Variants in WASHC5 observed in about 807,000 individuals in gnomAD.
WASHC5 encodes WASH complex subunit 5, also known as WASH complex subunit strumpellin.
WASHC5 carries 101 observed loss-of-function variants against 150.4 expected under a neutral mutation model. That is an observed-to-expected ratio of 0.67 (90% CI 0.57 to 0.79). WASHC5 has a LOEUF of 0.79. Ranked by LOEUF, WASHC5 falls within the 30% of genes least tolerant of loss-of-function variation. WASHC5 has a pLI of 0.00. For missense variants in WASHC5, 1,195 were observed against 1,396.3 expected, an observed-to-expected ratio of 0.86 and a Z score of 2.30; for synonymous variants, 467 against 491.2, an observed-to-expected ratio of 0.95 and a Z score of 0.65.
Position 125,056,853 on chromosome 8 carries a change from ATC to A in WASHC5, c.1876-38_1876-37del, listed in dbSNP as rs758232098. 1.7e-5 allele frequency: 27 copies of A among 1,613,674 alleles called. No individual in the cohort carries two copies. The South Asian group carries it at 2.6e-4, about 16-fold the overall frequency. ...AAGGAAAGCAGGAAACGCAATGAAC[ATC>A]TGTTTTACTTTTCTTGGCTGACAAA... On this transcript the variant is annotated intron_variant, in intron 15 of 28. Coordinates refer to ENST00000318410, the MANE Select transcript of WASHC5 (RefSeq NM_014846.4).
intron 3 of WASHC5, 200 bp downstream of exon 3, chr8:125,082,913 C>A: frequency 2.1e-6 from 1 of 485,096 alleles, no homozygotes; most frequent in African/African-American, 2.0e-5. Flanking sequence ...ATTACAACAC[C>A]TCATAAGAGC....
At chr8:125,048,001 G>A (rs1470686327) in intron 19 of WASHC5, among the ~76,000 whole-genome samples, 1 of 152,144 alleles carries the variant, frequency 6.6e-6, no homozygotes, top group Non-Finnish European at 1.5e-5. Flanking sequence ...ATGAGCTACT[G>A]TACCTGGCCT....
At chr8:125,048,147 T>C (rs1429906018) in intron 19 of WASHC5, among the ~76,000 whole-genome samples, 1 of 152,196 alleles carries the variant, frequency 6.6e-6, no homozygotes, top group Non-Finnish European at 1.5e-5. Context: ...AGAACTAAGA[T>C]GAGACATGGG....
intron 28 of WASHC5, among the ~76,000 whole-genome samples, chr8:125,028,296 A>G (rs1355987738): frequency 6.6e-6 from 1 of 152,204 alleles, no homozygotes; most frequent in African/African-American, 2.4e-5. Flanking sequence ...ACAAACCACC[A>G]TGATTATTTC....
rs375286371 is a variant in WASHC5 at position 125,075,678 on chromosome 8, A to G, written c.865-567T>C. Among the ~76,000 whole-genome samples, 6 of 152,284 alleles carry G rather than the reference A, an allele frequency of 3.9e-5. No individual in the cohort carries two copies. In the East Asian group the frequency reaches 7.7e-4, roughly 20 times the overall value. On this transcript the variant is annotated intron_variant, in intron 7 of 28. Coordinates refer to ENST00000318410, the MANE Select transcript of WASHC5 (RefSeq NM_014846.4). ...CCACTTCCTAATGTAGGCTGTTCTC[A>G]TACTACCAATAAATTGAAGGCCCCT...
At chr8:125,034,541 C>T (rs1233790892) in intron 26 of WASHC5, among the ~76,000 whole-genome samples, 5 of 151,962 alleles carry the variant, frequency 3.3e-5, no homozygotes, top group African/African-American at 9.7e-5. Context: ...AAATGACTGA[C>T]GCCACCAAAT....
Position 125,038,979 on chromosome 8 carries a change from G to A in WASHC5, c.2955-20C>T, listed in dbSNP as rs1815800434. 2 of 1,611,634 alleles carry A rather than the reference G, an allele frequency of 1.2e-6. No homozygotes were observed. The highest frequency in any genetic ancestry group is 2.7e-5 in the African/African-American group (2 of 74,866). On this transcript the variant is annotated intron_variant, in intron 24 of 28. Transcript: ENST00000318410. The stretch of plus-strand genomic sequence containing the variant: ...AGAGCCCTAAAGGAAGAAAAACCCT[G>A]GAGATAAACATTAGTGAGTAAATGA...
intron 9 of WASHC5, among the ~76,000 whole-genome samples, chr8:125,069,114 G>A (rs773449533): frequency 3.3e-5 from 5 of 152,190 alleles, no homozygotes; most frequent in African/African-American, 7.2e-5. Context: ...ATTGTGTTAT[G>A]AGGGGTCCAC....
chr8:125,087,062 C>A (rs1817441074), intron 1 of WASHC5, among the ~76,000 whole-genome samples: 1 of 152,180 alleles, frequency 6.6e-6, no homozygotes, highest in South Asian at 2.1e-4. Context: ...AAATTTTTAA[C>A]ATATTGTATT....
chr8:125,073,401 T>C (rs1173715491), intron 8 of WASHC5, 77 bp from the exon 9 acceptor site: 4 of 1,194,522 alleles, frequency 3.3e-6, no homozygotes, highest in Non-Finnish European at 4.9e-6. Context: ...ATGAATTCAC[T>C]GACAAATAGT....
chr8:125,060,170 T>G (rs1392089290), intron 12 of WASHC5, among the ~76,000 whole-genome samples: 1 of 152,170 alleles, frequency 6.6e-6, no homozygotes, highest in Non-Finnish European at 1.5e-5. Context: ...GGGTTATAGA[T>G]TATGAGTAAA....
intron 23 of WASHC5, among the ~76,000 whole-genome samples, chr8:125,040,933 A>G (rs1290631710): frequency 1.3e-5 from 2 of 152,260 alleles, no homozygotes. Flanking sequence ...TGTACAAAAT[A>G]AAACATAGAG....
At chr8:125,070,433 GGT>G (rs1444285397) in intron 9 of WASHC5, among the ~76,000 whole-genome samples, 1 of 152,232 alleles carries the variant, frequency 6.6e-6, no homozygotes, top group Non-Finnish European at 1.5e-5. Flanking sequence ...GGCAAGCCAA[GGT>G]TGTCCCTGGC....
At chr8:125,036,982 C>T (rs1815728176) in intron 26 of WASHC5, among the ~76,000 whole-genome samples, 1 of 152,118 alleles carries the variant, frequency 6.6e-6, no homozygotes, top group Non-Finnish European at 1.5e-5. Context: ...CATCGCGCTC[C>T]AGCCTGGGCA....
At chr8:125,028,791 C>T in intron 27 of WASHC5, 84 bp from the exon 28 acceptor site, 1 of 879,438 alleles carries the variant, frequency 1.1e-6, no homozygotes, top group Non-Finnish European at 1.9e-6. Context: ...ACTAAATTAC[C>T]AACAGATTAC....
intron 9 of WASHC5, among the ~76,000 whole-genome samples, chr8:125,072,932 T>C (rs957983786): frequency 6.6e-6 from 1 of 152,128 alleles, no homozygotes; most frequent in African/African-American, 2.4e-5. Flanking sequence ...GAGATAAACA[T>C]CCTCTTATTC....
At chr8:125,052,542 G>C (rs774882948) in intron 17 of WASHC5, among the ~76,000 whole-genome samples, 5 of 149,512 alleles carry the variant, frequency 3.3e-5, no homozygotes, top group Non-Finnish European at 5.9e-5. Context: ...ACAGAGACAC[G>C]CAAGTATATC....
chr8:125,065,500 G>C (rs1291972941), intron 10 of WASHC5, among the ~76,000 whole-genome samples: 1 of 151,956 alleles, frequency 6.6e-6, no homozygotes, highest in Non-Finnish European at 1.5e-5. Flanking sequence ...CAGTCAGATA[G>C]CCTAGGTCTG....
chr8:125,089,958 A>T (rs527699356), intron 1 of WASHC5, among the ~76,000 whole-genome samples: 1 of 152,360 alleles, frequency 6.6e-6, no homozygotes, highest in East Asian at 1.9e-4. Flanking sequence ...GCAAAAGCAT[A>T]TGAGTTATAT....
Sources: allele counts gnomAD v4.1 joint callset (sites outside exome capture counted in the v4.1 genomes callset), GRCh38; gene constraint gnomAD v4.1.1; transcripts MANE v1.5; gene names NCBI Gene and HGNC (gene_info 2026-07-23, HGNC 2026-07-21).